The following KCNIP4 variants were observed in gnomAD, a reference collection of about 807,000 sequenced individuals.
The protein encoded by KCNIP4 is Kv channel-interacting protein 4.
KCNIP4 carries 12 observed loss-of-function variants against 34.0 expected under a neutral mutation model. That is an observed-to-expected ratio of 0.35 (90% confidence interval 0.23 to 0.57). The LOEUF (loss-of-function observed/expected upper bound fraction) is 0.57. KCNIP4 is among the 20% of genes least tolerant of loss of function. The pLI is 0.83. For synonymous variants in KCNIP4, 124 were observed against 102.2 expected, an observed-to-expected ratio of 1.21 and a Z score of -1.29; for missense variants, 238 against 311.7, an observed-to-expected ratio of 0.76 and a Z score of 1.78.
chr4:21,204,877 T>C (rs961145814), intron 1 of KCNIP4, among the ~76,000 whole-genome samples: 1 of 152,184 alleles, frequency 6.6e-6, no homozygotes, highest in African/African-American at 2.4e-5. Context: ...TAAAAATTAG[T>C]ATGTTTGGGA....
chr4:21,772,429 C>T (rs748561317), intron 1 of KCNIP4, among the ~76,000 whole-genome samples: 1 of 152,078 alleles, frequency 6.6e-6, no homozygotes, highest in Non-Finnish European at 1.5e-5. Context: ...CAGGATGATG[C>T]TGGCTTCATA....
At chr4:21,250,214 TG>T (rs1281473448) in intron 1 of KCNIP4, among the ~76,000 whole-genome samples, 1 of 64,774 alleles carries the variant, frequency 1.5e-5, no homozygotes, top group Non-Finnish European at 3.4e-5. Flanking sequence ...ATCTTAGGAC[TG>T]TTAAAAAAAA....
chr4:21,014,669 A>C (rs1045966537), intron 1 of KCNIP4, among the ~76,000 whole-genome samples: 1 of 152,206 alleles, frequency 6.6e-6, no homozygotes, highest in East Asian at 1.9e-4. Context: ...GGCTGGTTGA[A>C]ATGTAAAGTG....
chr4:21,773,448 T>A (rs961339737), intron 1 of KCNIP4, among the ~76,000 whole-genome samples: 6 of 152,210 alleles, frequency 3.9e-5, no homozygotes, highest in African/African-American at 7.2e-5. Flanking sequence ...GATCCAGAGA[T>A]GAGTTCAAGT....
rs879873220 is a variant in KCNIP4, at chr4:20,913,590, G to GGCAAAACTTCCTT, written c.62-30894_62-30882dup. Among the ~76,000 whole-genome samples the GGCAAAACTTCCTT allele has an allele frequency of 9.3e-4, 141 of 152,110 alleles. 2 individuals carry two copies. Among genetic ancestry groups the GGCAAAACTTCCTT allele is most frequent in the Admixed American group, 3.9e-4 (6 of 15,280 alleles). ...TTCAGCTTATCTATTAGGTTCTCTAGGCAAAACTTCCTTACTTCTAAGGCT... is the reference window on the plus strand; with the variant it reads ...TTCAGCTTATCTATTAGGTTCTCTAGGCAAAACTTCCTTGCAAAACTTCCTTACTTCTAAGGCT... On this transcript the variant is annotated intron_variant, in intron 1 of 8. Transcript: ENST00000382152.
intron 1 of KCNIP4, among the ~76,000 whole-genome samples, chr4:21,125,188 CTTA>C (rs1288401396): frequency 1.7e-5 from 2 of 119,030 alleles, no homozygotes; most frequent in African/African-American, 6.4e-5. Flanking sequence ...TTTATTTTGT[CTTA>C]TTTTATTTTA....
chr4:20,944,384 T>C (rs890146700), intron 1 of KCNIP4, among the ~76,000 whole-genome samples: 8 of 152,144 alleles, frequency 5.3e-5, no homozygotes, highest in Non-Finnish European at 8.8e-5. Flanking sequence ...TGAGCCACTA[T>C]CCCTTTCACT....
Position 20,890,225 on chromosome 4 carries a change from C to A in KCNIP4, c.62-7516G>T, listed in dbSNP as rs575471677. On this transcript the variant is annotated intron_variant, in intron 1 of 8. Coordinates refer to ENST00000382152, the MANE Select transcript of KCNIP4 (RefSeq NM_025221.6). ...GCCAAAAAACTTCTATTTTAGTGGA[C>A]CTTACACGATATTTAGGAAAGAAAA... 1.8e-4 allele frequency among the ~76,000 whole-genome samples: 27 copies of A among 152,052 alleles called. No individual in the cohort carries two copies. In the East Asian group the frequency reaches 5.0e-3, roughly 28 times the overall value.
chr4:21,449,159 A>G (rs1234374862), intron 1 of KCNIP4, among the ~76,000 whole-genome samples: 1 of 152,210 alleles, frequency 6.6e-6, no homozygotes, highest in Non-Finnish European at 1.5e-5. Flanking sequence ...ACCTTGAGCC[A>G]CAGAGAGTTA....
chr4:20,841,111 A>G (rs1421143618), intron 3 of KCNIP4, among the ~76,000 whole-genome samples: 2 of 152,304 alleles, frequency 1.3e-5, no homozygotes, highest in African/African-American at 4.8e-5. Flanking sequence ...CACTCCCCCT[A>G]TTATTAGATT....
At chr4:21,041,285 T>G (rs573764127) in intron 1 of KCNIP4, among the ~76,000 whole-genome samples, 1 of 150,726 alleles carries the variant, frequency 6.6e-6, no homozygotes, top group Non-Finnish European at 1.5e-5. Flanking sequence ...AATAGTTTCA[T>G]TGGGGCTTCT....
chr4:21,808,698 T>C (rs190739405), intron 1 of KCNIP4, among the ~76,000 whole-genome samples: 77 of 152,298 alleles, frequency 5.1e-4, no homozygotes, highest in Non-Finnish European at 9.3e-4. Context: ...TAGCCTTAAA[T>C]GATGTGTGAG....
At chr4:21,759,937 G>C (rs961794316) in intron 1 of KCNIP4, among the ~76,000 whole-genome samples, 2 of 151,856 alleles carry the variant, frequency 1.3e-5, no homozygotes, top group South Asian at 4.2e-4. Context: ...TGCTCTCAAT[G>C]TCTTTGCTCT....
chr4:21,860,864 C>G (rs186560254), intron 1 of KCNIP4, among the ~76,000 whole-genome samples: 1 of 152,250 alleles, frequency 6.6e-6, no homozygotes, highest in African/African-American at 2.4e-5. Context: ...TTTGCTAAAT[C>G]TTGAAACTGA....
At chr4:21,052,896 T>C in intron 1 of KCNIP4, among the ~76,000 whole-genome samples, 1 of 151,776 alleles carries the variant, frequency 6.6e-6, no homozygotes, top group East Asian at 1.9e-4. Flanking sequence ...GCCATGTGCA[T>C]TTGCTCATGA....
intron 1 of KCNIP4, among the ~76,000 whole-genome samples, chr4:21,689,104 G>A (rs1350548527): frequency 1.3e-5 from 2 of 152,028 alleles, no homozygotes; most frequent in East Asian, 1.9e-4. Context: ...GCAGAACCAC[G>A]AGACTCAGCT....
chr4:21,448,716 C>A (rs1461669732), intron 1 of KCNIP4, among the ~76,000 whole-genome samples: 2 of 152,074 alleles, frequency 1.3e-5, no homozygotes, highest in Non-Finnish European at 2.9e-5. Flanking sequence ...GGAGGGACAT[C>A]CTTTTTACTT....
At chr4:21,740,503 G>A (rs1716321648) in intron 1 of KCNIP4, among the ~76,000 whole-genome samples, 1 of 151,884 alleles carries the variant, frequency 6.6e-6, no homozygotes, top group South Asian at 2.1e-4. Context: ...AATATTCAGT[G>A]GTAAGCAATC....
intron 1 of KCNIP4, among the ~76,000 whole-genome samples, chr4:20,958,906 G>T (rs1366457749): frequency 6.6e-6 from 1 of 152,194 alleles, no homozygotes; most frequent in Non-Finnish European, 1.5e-5. Context: ...CACAGCCTAT[G>T]AAAAAATTGA....
Sources: allele counts gnomAD v4.1 joint callset (sites outside exome capture counted in the v4.1 genomes callset), GRCh38; gene constraint gnomAD v4.1.1; transcripts MANE v1.5; gene names NCBI Gene and HGNC (gene_info 2026-07-23, HGNC 2026-07-21).